The following PHIP variants were observed in gnomAD, a reference collection of about 807,000 sequenced individuals.
PHIP encodes the protein PH-interacting protein.
PHIP carries 54 observed loss-of-function variants against 236.8 expected under a neutral mutation model. The ratio of observed to expected loss-of-function variants is 0.23; its 90% CI spans 0.18 to 0.29. PHIP has a LOEUF of 0.29. Among genes scored for constraint, PHIP ranks in the 10% least tolerant of loss-of-function variants. The probability of loss-of-function intolerance (pLI) is 1.00; values close to 1 mark genes in which losing one functional copy is unlikely to be tolerated. For synonymous variants in PHIP, 756 were observed against 718.9 expected, an observed-to-expected ratio of 1.05 and a Z score of -0.83; for missense variants, 1,370 against 2,190.8, an observed-to-expected ratio of 0.63 and a Z score of 7.48.
chr6:79,010,772 T>C (rs1770534530), intron 15 of PHIP, among the ~76,000 whole-genome samples: 1 of 151,874 alleles, frequency 6.6e-6, no homozygotes, highest in Non-Finnish European at 1.5e-5. Flanking sequence ...CATCTCTTAT[T>C]TACTATTTAA....
intron 30 of PHIP, 69 bp from the exon 31 acceptor site, chr6:78,961,879 T>C (rs1274967827): frequency 1.6e-6 from 2 of 1,271,920 alleles, no homozygotes; most frequent in African/African-American, 1.5e-5. Context: ...GAATTCTGCT[T>C]GAATTAAGAC....
intron 7 of PHIP, among the ~76,000 whole-genome samples, chr6:79,041,280 A>C (rs928495452): frequency 2.6e-5 from 4 of 152,126 alleles, no homozygotes; most frequent in Non-Finnish European, 5.9e-5. Flanking sequence ...TGGTTCAAAA[A>C]GCTCTTCCAA....
At chr6:79,070,053 T>TA (rs930756578) in intron 4 of PHIP, among the ~76,000 whole-genome samples, 55 of 151,726 alleles carry the variant, frequency 3.6e-4, no homozygotes, top group African/African-American at 1.3e-3. Flanking sequence ...TACATCTTGC[T>TA]AAAAAAAAGA....
chr6:78,963,044 C>A, intron 30 of PHIP, 53 bp downstream of exon 30: 7 of 1,474,502 alleles, frequency 4.7e-6, no homozygotes, highest in South Asian at 1.4e-5. Context: ...AGTATTTTTC[C>A]ATTACTTTGT....
chr6:79,048,476 T>C (rs750437119), intron 6 of PHIP, among the ~76,000 whole-genome samples: 15 of 152,160 alleles, frequency 9.9e-5, no homozygotes, highest in Non-Finnish European at 1.9e-4. Context: ...ATAAGTACTA[T>C]AGCAGAAATA....
rs1321743907 is a variant in PHIP, at chr6:78,938,632, A to G, written c.*2061T>C. ...ATTTTTCTATACAATCAAGCCATCC[A>G]TTTCTGCATTATGAAGAGTTTAACT... On this transcript the variant is annotated 3_prime_UTR_variant, in exon 40 of 40. Coordinates refer to ENST00000275034, the MANE Select transcript of PHIP (RefSeq NM_017934.7). The G allele has an allele frequency of 6.6e-6, 1 of 151,698 alleles. No homozygotes were observed. Among genetic ancestry groups the G allele is most frequent in the South Asian group, 2.1e-4 (1 of 4,832 alleles). 9.4% of individuals were successfully genotyped at this position (151,698 alleles called of 1,614,324 possible). A position where few individuals can be genotyped will look rare whatever the true frequency, so the allele number is the denominator to read the frequency against.
intron 24 of PHIP, among the ~76,000 whole-genome samples, chr6:78,973,288 G>C (rs550121829): frequency 6.6e-6 from 1 of 151,298 alleles, no homozygotes; most frequent in Non-Finnish European, 1.5e-5. Context: ...AGCTTCATAA[G>C]TGAAGGAGAA....
chr6:78,961,307 T>C (rs1370005371), intron 31 of PHIP, among the ~76,000 whole-genome samples: 1 of 151,760 alleles, frequency 6.6e-6, no homozygotes, highest in Non-Finnish European at 1.5e-5. Flanking sequence ...TTTTATTATA[T>C]ATTATATTAA....
chr6:79,069,092 G>A (rs544082093), intron 4 of PHIP, among the ~76,000 whole-genome samples: 1 of 150,532 alleles, frequency 6.6e-6, no homozygotes, highest in Admixed American at 6.6e-5. Context: ...CCAGTTTATT[G>A]GAATATAGTT....
rs143927199 is a variant in PHIP, at chr6:78,942,439, C to T, written c.4829-1109G>A. Among the ~76,000 whole-genome samples, 6 of 152,188 alleles carry T rather than the reference C, an allele frequency of 3.9e-5. No homozygotes were observed. The East Asian group carries it at 5.8e-4, about 15-fold the overall frequency. On this transcript the variant is annotated intron_variant, in intron 39 of 39. Transcript: ENST00000275034. The stretch of plus-strand genomic sequence containing the variant: ...CGGAGGTTGCAGTGAGCTGAGATCA[C>T]GCCACTGCACTCCAGCCTGGGCGAC...
chr6:79,046,138 G>A (rs113258317), intron 6 of PHIP, among the ~76,000 whole-genome samples: 3,814 of 152,102 alleles, frequency 0.025, 157 homozygotes, highest in African/African-American at 0.086. Context: ...GCTACTTCTC[G>A]CCTTGACCTG....
intron 9 of PHIP, 52 bp from the exon 10 acceptor site, chr6:79,019,211 G>A: frequency 7.8e-7 from 1 of 1,277,982 alleles, no homozygotes; most frequent in Non-Finnish European, 1.1e-6. Flanking sequence ...ACCAGTAGCA[G>A]CAGAAATAAT....
chr6:78,963,073 A>G, intron 30 of PHIP, 24 bp downstream of exon 30: 1 of 1,552,990 alleles, frequency 6.4e-7, no homozygotes, highest in Non-Finnish European at 8.7e-7. Context: ...AGTTTTTTCT[A>G]TACTCGCGTG....
At chr6:78,988,663 C>A (rs10943612) in intron 20 of PHIP, among the ~76,000 whole-genome samples, 1 of 151,818 alleles carries the variant, frequency 6.6e-6, no homozygotes, top group Non-Finnish European at 1.5e-5. Context: ...AATATTTTAA[C>A]ATTCATCAAG....
intron 7 of PHIP, among the ~76,000 whole-genome samples, chr6:79,041,246 C>T (rs536043451): frequency 5.9e-5 from 9 of 152,172 alleles, no homozygotes; most frequent in African/African-American, 1.9e-4. Context: ...GGGTTTGAGA[C>T]GCAGGCAGCA....
In PHIP at chr6:78,935,445, A is replaced by G. The variant is rs1217312370; in HGVS notation, c.*5248T>C. ...AAACTGCAATAACCTTCTTTCCATC[A>G]TTCCTTTTTTCCCAGAAATTGCACA... On this transcript the variant is annotated 3_prime_UTR_variant, in exon 40 of 40. Transcript: ENST00000275034. The G allele has an allele frequency of 8.6e-6, 8 of 933,150 alleles. No homozygotes were observed. Among genetic ancestry groups the G allele is most frequent in the Non-Finnish European group, 1.0e-5 (8 of 782,568 alleles). The allele number at this position is 933,150 out of a possible 1,614,324, so 57.8% of individuals were successfully genotyped here.
At chr6:78,987,247 T>C (rs1418838877) in intron 21 of PHIP, among the ~76,000 whole-genome samples, 2 of 152,110 alleles carry the variant, frequency 1.3e-5, no homozygotes, top group Non-Finnish European at 1.5e-5. Flanking sequence ...GGAAACTCTT[T>C]CAAAAATAAA....
At chr6:79,057,638 C>T (rs1054269453) in intron 6 of PHIP, among the ~76,000 whole-genome samples, 14 of 151,968 alleles carry the variant, frequency 9.2e-5, no homozygotes, top group African/African-American at 2.4e-4. Flanking sequence ...TTTTTCTTAC[C>T]TCCACTGATA....
At chr6:79,044,726 G>C (rs1217249821) in intron 6 of PHIP, among the ~76,000 whole-genome samples, 1 of 152,074 alleles carries the variant, frequency 6.6e-6, no homozygotes, top group South Asian at 2.1e-4. Flanking sequence ...AAATATCATT[G>C]TTGGAAATAA....
Sources: gnomAD v4.1 joint callset for allele counts (sites outside exome capture counted in the v4.1 genomes callset) on GRCh38, gnomAD v4.1.1 for gene constraint, MANE v1.5 for transcripts, NCBI Gene and HGNC (gene_info 2026-07-23, HGNC 2026-07-21) for gene names.